The following ORC1 variants were observed in gnomAD, a reference collection of about 807,000 sequenced individuals.
The protein encoded by ORC1 is origin recognition complex subunit 1, also known as origin recognition complex, subunit 1 homolog.
Under a neutral mutation model 98.9 loss-of-function variants are expected in ORC1, and 61 were observed. That is an observed-to-expected ratio of 0.62 (90% CI 0.50 to 0.76). The LOEUF (loss-of-function observed/expected upper bound fraction) is 0.76. Ranked by LOEUF, ORC1 falls within the 30% of genes least tolerant of loss-of-function variation. The pLI is 0.00. For missense variants in ORC1, 979 were observed against 1,072.2 expected (o/e 0.91, Z 1.21); for synonymous variants, 385 against 406.9 (o/e 0.95, Z 0.65).
chr1:52,405,792 A>G, upstream of ORC1: 3 of 1,614,122 alleles, frequency 1.9e-6, no homozygotes, highest in Non-Finnish European at 2.5e-6. Flanking sequence ...TTCAAATTCA[A>G]CCCGAGAAGG....
chr1:52,389,246 C>G lies in ORC1; in HGVS notation c.1158G>C (p.Leu386Phe). 1 of 1,614,154 alleles carries G rather than the reference C, an allele frequency of 6.2e-7. No individual in the cohort carries two copies. Among genetic ancestry groups the G allele is most frequent in the South Asian group, 1.1e-5 (1 of 91,084 alleles). Residue 386 changes from leucine to phenylalanine, a missense_variant, in exon 7 of 17, where the codon TTG becomes TTC. Physicochemically the swap from Leu to Phe is conservative, Grantham distance 22. Coordinates refer to ENST00000371568, the MANE Select transcript of ORC1 (RefSeq NM_004153.4). ...GCTGCTGCCTAATCCGATTCATAGT[C>G]AAGACAGAACTCTTTCTGCGGATAC... ...PHRIRRKSSV[L>F]TMNRIRQQLR...
In ORC1 at chr1:52,404,253, CA is replaced by C. The variant is rs905427666; in HGVS notation, c.-14del. 3.2e-5 allele frequency: 5 copies of C among 156,668 alleles called. No individual in the cohort carries two copies. The highest frequency in any genetic ancestry group is 1.2e-4 in the African/African-American group (5 of 41,472). The allele number at this position is 156,668 out of a possible 1,614,324, so 9.7% of individuals were successfully genotyped here. On this transcript the variant is annotated 5_prime_UTR_variant, in exon 1 of 17. Transcript: ENST00000371568. ...GCTGGACGCCACACTCACCCGGCTC[CA>C]AAGCTTCCTCCGGCTAGCCGCAAGC... is the stretch of plus-strand genomic sequence containing the variant.
At chr1:52,381,556 C>G in intron 14 of ORC1, 86 bp downstream of exon 14, 1 of 1,415,050 alleles carries the variant, frequency 7.1e-7, no homozygotes, top group Middle Eastern at 2.5e-4. Context: ...TCTCTCCAAC[C>G]TCAGAGCACC....
intron 13 of ORC1, among the ~76,000 whole-genome samples, chr1:52,383,106 G>A (rs967754505): frequency 6.7e-6 from 1 of 148,186 alleles, no homozygotes; most frequent in Non-Finnish European, 1.5e-5. Flanking sequence ...CTCTTGCTTC[G>A]TTGCCAGACT....
At chr1:52,399,954 G>A (rs1350169192) in intron 3 of ORC1, among the ~76,000 whole-genome samples, 2 of 152,232 alleles carry the variant, frequency 1.3e-5, no homozygotes, top group African/African-American at 4.8e-5. Context: ...CCAACCGAAA[G>A]AACACTCATT....
At chr1:52,399,662 G>A (rs1206632284) in intron 3 of ORC1, among the ~76,000 whole-genome samples, 1 of 149,866 alleles carries the variant, frequency 6.7e-6, no homozygotes, top group African/African-American at 2.5e-5. Flanking sequence ...AAGAAAATTA[G>A]CTGGGCATGG....
At chr1:52,386,423 T>C (rs987869559) in intron 8 of ORC1, among the ~76,000 whole-genome samples, 1 of 152,120 alleles carries the variant, frequency 6.6e-6, no homozygotes, top group South Asian at 2.1e-4. Context: ...TGGAGAAACC[T>C]TGGCAGATTT....
chr1:52,393,891 T>C lies in ORC1; in HGVS notation c.722-88A>G, dbSNP rs961139568. 4 of 1,375,826 alleles carry C rather than the reference T, an allele frequency of 2.9e-6. No individual in the cohort carries two copies. In the African/African-American group the frequency reaches 4.3e-5, roughly 15 times the overall value. The allele number at this position is 1,375,826 out of a possible 1,614,324, so 85.2% of individuals were successfully genotyped here. ...TCACAGCCAAATTCAGCCACTGAGTTATATGTAAAACAGGAATTATCTATA... is the reference window on the plus strand; with the variant it reads ...TCACAGCCAAATTCAGCCACTGAGTCATATGTAAAACAGGAATTATCTATA... On this transcript the variant is annotated intron_variant, in intron 5 of 16. Coordinates refer to ENST00000371568, the MANE Select transcript of ORC1 (RefSeq NM_004153.4).
chr1:52,402,343 CT>C, intron 1 of ORC1, 115 bp from the exon 2 acceptor site: 1 of 774,240 alleles, frequency 1.3e-6, no homozygotes, highest in Non-Finnish European at 2.3e-6. Flanking sequence ...TTTTCTGCCC[CT>C]GCTACACTCC....
chr1:52,393,300 G>T, intron 6 of ORC1, 143 bp downstream of exon 6: 1 of 1,100,792 alleles, frequency 9.1e-7, no homozygotes, highest in Non-Finnish European at 1.3e-6. Flanking sequence ...AAGAGGCCTA[G>T]AAATCTGTAT....
At chr1:52,401,276 C>T (rs1647692245) in intron 3 of ORC1, 86 bp downstream of exon 3, 4 of 1,536,326 alleles carry the variant, frequency 2.6e-6, no homozygotes, top group Non-Finnish European at 3.6e-6. Context: ...GCCCTGCACA[C>T]TGCTGTGAAC....
rs771074009 is a variant in ORC1, at chr1:52,396,217, C to A, written c.550G>T (p.Ala184Ser). ...GCTCTCACGGGTTTCTGGCACTTGGCTGCACTCTCTTGTGGTTTATTCAAC... is the reference window on the plus strand; with the variant it reads ...GCTCTCACGGGTTTCTGGCACTTGGATGCACTCTCTTGTGGTTTATTCAAC... ...AELNKPQESA[A>S]KCQKPVRAKS... is the part of the protein sequence containing the mutation. Residue 184 changes from alanine (A) to serine (S), a missense_variant, in exon 5 of 17, where the codon GCC becomes TCC. Coordinates refer to ENST00000371568, the MANE Select transcript of ORC1 (RefSeq NM_004153.4). 3.7e-6 allele frequency: 6 copies of A among 1,614,184 alleles called. No individual in the cohort carries two copies. Among genetic ancestry groups the A allele is most frequent in the South Asian group, 1.1e-5 (1 of 91,082 alleles).
intron 16 of ORC1, 24 bp downstream of exon 16, chr1:52,374,786 G>A: frequency 1.3e-6 from 2 of 1,535,108 alleles, no homozygotes; most frequent in East Asian, 2.2e-5. Context: ...AATCTAGAAG[G>A]ATTTGAAAAG....
intron 1 of ORC1, among the ~76,000 whole-genome samples, chr1:52,403,096 T>C (rs1304755776): frequency 1.3e-5 from 2 of 152,222 alleles, no homozygotes; most frequent in African/African-American, 4.8e-5. Context: ...TTTGGTGTAC[T>C]TATTACAATA....
At chr1:52,396,445 A>G (rs1206643819) in intron 4 of ORC1, 81 bp from the exon 5 acceptor site, 2 of 1,570,234 alleles carry the variant, frequency 1.3e-6, no homozygotes, top group African/African-American at 2.7e-5. Flanking sequence ...CTACAATTAA[A>G]AACATTGAAG....
At position 52,396,081 on chromosome 1, in the gene ORC1, AGAGGATGGGTAG is replaced by A; in HGVS notation, c.674_685del (p.Pro225_Pro228del). Reference sequence around the variant, plus strand: ...CAGCCTCTTTCTGGCTCTTGGGGTAAGAGGATGGGTAGGAGTTTGGCGAGATTTGGAGGCGGA... The same window carrying A: ...CAGCCTCTTTCTGGCTCTTGGGGTAAGAGTTTGGCGAGATTTGGAGGCGGA... On this transcript the variant is annotated inframe_deletion, in exon 5 of 17. Transcript: ENST00000371568. 1 of 1,614,146 alleles carries A rather than the reference AGAGGATGGGTAG, an allele frequency of 6.2e-7. No individual in the cohort carries two copies. The highest frequency in any genetic ancestry group is 8.5e-7 in the Non-Finnish European group (1 of 1,180,028).
Position 52,402,176 on chromosome 1 carries a change from C to A in ORC1, c.48G>T (p.Trp16Cys), listed in dbSNP as rs1176379478. ...TTCGATCCAACAAGGGCCTGCCAAC[C>A]CATGAATAAGTTTTTCTGGTCTTCA... ...TRLKTRKTYS[W>C]VGRPLLDRKL... The change falls in exon 2 of 17, where the codon TGG becomes TGT. Residue 16 changes from tryptophan (W) to cysteine (C), a missense_variant. Physicochemically the swap from Trp to Cys is radical, Grantham distance 215. Coordinates refer to ENST00000371568, the MANE Select transcript of ORC1 (RefSeq NM_004153.4). The A allele has an allele frequency of 6.2e-7, 1 of 1,614,048 alleles. No homozygotes were observed. Among genetic ancestry groups the A allele is most frequent in the Non-Finnish European group, 8.5e-7 (1 of 1,180,040 alleles).
At chr1:52,404,531 A>T, upstream of ORC1, 2 of 495,450 alleles carry the variant, frequency 4.0e-6, no homozygotes, top group Admixed American at 7.5e-5. Flanking sequence ...AGAGGGGCGC[A>T]TGACGTACAT....
In ORC1 at chr1:52,381,695, G is replaced by A; in HGVS notation, c.2080C>T (p.Leu694Phe). Residue 694 changes from leucine (L) to phenylalanine (F), a missense_variant, in exon 14 of 17, where the codon CTC becomes TTC. Coordinates refer to ENST00000371568, the MANE Select transcript of ORC1 (RefSeq NM_004153.4). ...SQLQQILRSR[L>F]KHLKAFEDDA... ...TCTTCAAAGGCCTTTAGATGCTTGA[G>A]CCGGGACCTTAGGATCTGCTGCAGC... The A allele has an allele frequency of 6.2e-7, 1 of 1,613,442 alleles. No homozygotes were observed. Among genetic ancestry groups the A allele is most frequent in the Non-Finnish European group, 8.5e-7 (1 of 1,179,788 alleles).
Sources: gnomAD v4.1 joint callset for allele counts (sites outside exome capture counted in the v4.1 genomes callset) on GRCh38, gnomAD v4.1.1 for gene constraint, MANE v1.5 for transcripts, NCBI Gene and HGNC (gene_info 2026-07-23, HGNC 2026-07-21) for gene names.